ZNF596: variants seen among roughly 807,000 people sequenced by gnomAD.
The protein encoded by ZNF596 is zinc finger protein 596.
A neutral mutation model predicts 48.3 loss-of-function variants in ZNF596; 45 were observed. The observed-to-expected ratio is 0.93, with a 90% CI of 0.73 to 1.19. The LOEUF (loss-of-function observed/expected upper bound fraction) is 1.19. Ranked by LOEUF, ZNF596 falls within the 50% of genes most tolerant of loss-of-function variation. The probability of loss-of-function intolerance (pLI) is 0.00; values close to 1 mark genes in which losing one functional copy is unlikely to be tolerated. For synonymous variants in ZNF596, 270 were observed against 202.0 expected, an observed-to-expected ratio of 1.34 and a Z score of -2.85; for missense variants, 848 against 599.7, an observed-to-expected ratio of 1.41 and a Z score of -4.32.
Position 245,544 on chromosome 8 carries a change from A to G in ZNF596, c.697A>G (p.Thr233Ala). ...HGCHLCGKAF[T>A]HCSDLRKHER... ...ATGTCATCTATGTGGGAAAGCCTTT[A>G]CTCATTGCTCTGATCTTCGAAAACA... The change falls in exon 6 of 6, where the codon ACT (threonine) becomes GCT (alanine). Residue 233 changes from threonine to alanine, a missense_variant. Thr to Ala is a moderately conservative substitution (Grantham distance 58, BLOSUM62 0). Coordinates refer to ENST00000398612, the MANE Select transcript of ZNF596 (RefSeq NM_001042416.3). The G allele has an allele frequency of 6.2e-7, 1 of 1,614,104 alleles. No individual in the cohort carries two copies.
rs761022542 is a variant in ZNF596 at position 245,306 on chromosome 8, C to T, written c.459C>T (p.Ser153=). Residue 153 remains serine, a synonymous_variant, in exon 6 of 6, where the codon TCC becomes TCT. Transcript: ENST00000398612. ...KFGKIFSDWL[S]FNQHKEIHTK... The stretch of plus-strand genomic sequence containing the variant: ...GGAAAATCTTCAGTGACTGGTTATC[C>T]TTTAATCAACACAAGGAAATTCACA... 3 of 1,614,060 alleles carry T rather than the reference C, an allele frequency of 1.9e-6. No homozygotes were observed. Among genetic ancestry groups the T allele is most frequent in the South Asian group, 1.1e-5 (1 of 91,070 alleles).
chr8:240,361 G>C (rs1025556057), intron 1 of ZNF596: 1 of 160,220 alleles, frequency 6.2e-6, no homozygotes, highest in East Asian at 1.8e-4. Flanking sequence ...GAATCATTCA[G>C]TACAAGTGTA....
intron 4 of ZNF596, 24 bp downstream of exon 4, chr8:243,829 C>G: frequency 1.3e-6 from 2 of 1,598,362 alleles, no homozygotes; most frequent in Non-Finnish European, 1.7e-6. Flanking sequence ...AGCAGTGCTT[C>G]AATAGGAGGA....
At chr8:238,316 G>C (rs1382048523) in intron 1 of ZNF596, among the ~76,000 whole-genome samples, 2 of 151,966 alleles carry the variant, frequency 1.3e-5, no homozygotes, top group African/African-American at 4.8e-5. Flanking sequence ...GACTAGTGGA[G>C]GAAAGGAGAG....
intron 1 of ZNF596, among the ~76,000 whole-genome samples, chr8:236,607 T>C (rs1796625020): frequency 1.3e-5 from 2 of 152,214 alleles, no homozygotes; most frequent in African/African-American, 4.8e-5. Flanking sequence ...TTTTATATTA[T>C]TTTTAAAGAT....
chr8:238,233 G>T (rs769950878), intron 1 of ZNF596, among the ~76,000 whole-genome samples: 1 of 152,090 alleles, frequency 6.6e-6, no homozygotes, highest in Admixed American at 6.6e-5. Flanking sequence ...GAGGTTTATG[G>T]TGGCCCCCAT....
At chr8:244,012 C>G in intron 4 of ZNF596, 1 of 398,260 alleles carries the variant, frequency 2.5e-6, no homozygotes, top group Non-Finnish European at 4.7e-6. Context: ...CTCAGCCTCC[C>G]GAGTAGCTAG....
At chr8:240,790 T>C in intron 1 of ZNF596, 34 bp from the exon 2 acceptor site, 1 of 1,438,980 alleles carries the variant, frequency 6.9e-7, no homozygotes, top group Non-Finnish European at 9.8e-7. Flanking sequence ...TGGAGTGTCA[T>C]GGTTTTTTTG....
At position 246,378 on chromosome 8, in the gene ZNF596, G is replaced by C; in HGVS notation, c.*16G>C. On this transcript the variant is annotated 3_prime_UTR_variant, in exon 6 of 6. Transcript: ENST00000398612. ...GAATATGTAAGAATCATCAGCTGTA[G>C]CGTTAACACTAAATACACCAAGGAC... 1 of 1,556,194 alleles carries C rather than the reference G, an allele frequency of 6.4e-7. No individual in the cohort carries two copies. Among genetic ancestry groups the C allele is most frequent in the Non-Finnish European group, 8.6e-7 (1 of 1,157,680 alleles).
chr8:240,487 G>A (rs1796808538), intron 1 of ZNF596: 1 of 187,680 alleles, frequency 5.3e-6, no homozygotes, highest in South Asian at 1.2e-4. Flanking sequence ...AGAAATTCCA[G>A]GATTTATCTG....
At chr8:240,695 C>A in intron 1 of ZNF596, 129 bp from the exon 2 acceptor site, 1 of 609,154 alleles carries the variant, frequency 1.6e-6, no homozygotes, top group South Asian at 2.1e-5. Context: ...GGAGAGCCAC[C>A]AACCCAACCC....
chr8:242,127 T>C (rs922986070), intron 2 of ZNF596, among the ~76,000 whole-genome samples: 1 of 152,112 alleles, frequency 6.6e-6, no homozygotes, highest in African/African-American at 2.4e-5. Context: ...CCACATAAAA[T>C]TGAGAAAGGA....
chr8:246,819 T>C lies in ZNF596; in HGVS notation c.*457T>C, dbSNP rs1456233077. 6.5e-6 allele frequency: 1 copy of C among 154,904 alleles called. No homozygotes were observed. The highest frequency in any genetic ancestry group is 1.4e-5 in the Non-Finnish European group (1 of 70,002). 9.6% of individuals were successfully genotyped at this position (154,904 alleles called of 1,614,324 possible). A position where few individuals can be genotyped will look rare whatever the true frequency, so the allele number is the denominator to read the frequency against. ...AGAAAATTCATTATAAGGTAACTGA[T>C]AAAAACAGGAAATATGTGAAAATAT... On this transcript the variant is annotated 3_prime_UTR_variant, in exon 6 of 6. Transcript: ENST00000398612.
chr8:241,312 A>T (rs1584908755), intron 2 of ZNF596, among the ~76,000 whole-genome samples: 1 of 152,256 alleles, frequency 6.6e-6, no homozygotes, highest in South Asian at 2.1e-4. Context: ...AGCCCATACA[A>T]AGGCAAGCTC....
Position 246,327 on chromosome 8 carries a change from G to A in ZNF596, c.1480G>A (p.Glu494Lys), listed in dbSNP as rs201707116. The change falls in exon 6 of 6, where the codon GAG (glutamate) becomes AAG (lysine). Residue 494 changes from glutamate (E) to lysine (K), a missense_variant. Coordinates refer to ENST00000398612, the MANE Select transcript of ZNF596 (RefSeq NM_001042416.3). Reference sequence around the variant, plus strand: ...TAAATTTTTTAACCTTAGACAACATGAGAGAACTCACACTAAAAAAGCAAT... The same window carrying A: ...TAAATTTTTTAACCTTAGACAACATAAGAGAACTCACACTAAAAAAGCAAT... ...FSKFFNLRQHERTHTKKAMNM is the reference protein window; with the variant it reads ...FSKFFNLRQHKRTHTKKAMNM 2.4e-4 allele frequency: 385 copies of A among 1,596,388 alleles called. 2 individuals are homozygous for A. The highest frequency in any genetic ancestry group is 3.1e-5 in the Non-Finnish European group (36 of 1,174,390).
At chr8:235,348 G>C (rs1796577368) in intron 1 of ZNF596, among the ~76,000 whole-genome samples, 1 of 152,188 alleles carries the variant, frequency 6.6e-6, no homozygotes, top group Non-Finnish European at 1.5e-5. Flanking sequence ...TTTGATCGCA[G>C]AGTAAATAAA....
chr8:245,863 T>C lies in ZNF596; in HGVS notation c.1016T>C (p.Leu339Pro). ...HNGEKPYECH[L>P]CGKAFSHCSH... is the part of the protein sequence containing the mutation. ...GGAGAGAAACCATATGAATGTCATC[T>C]ATGTGGAAAAGCCTTCTCTCATTGT... is the stretch of plus-strand genomic sequence containing the variant. Residue 339 changes from leucine (L) to proline (P), a missense_variant, in exon 6 of 6, where the codon CTA becomes CCA. By Grantham distance (98) the Leu-to-Pro change is moderately conservative. Transcript: ENST00000398612. 6.2e-7 allele frequency: 1 copy of C among 1,614,052 alleles called. No homozygotes were observed. The highest frequency in any genetic ancestry group is 8.5e-7 in the Non-Finnish European group (1 of 1,179,960).
At chr8:240,972 A>G (rs1796830726) in intron 2 of ZNF596, 65 bp downstream of exon 2, 4 of 1,590,230 alleles carry the variant, frequency 2.5e-6, no homozygotes, top group Admixed American at 3.3e-5. Context: ...GGGCAGATTC[A>G]TCCTATTAAC....
In ZNF596 at chr8:240,687, A is replaced by AGAGCCACCAACCC; in HGVS notation, c.-72-136_-72-124dup. 5.0e-6 allele frequency: 3 copies of AGAGCCACCAACCC among 597,432 alleles called. No individual in the cohort carries two copies. The East Asian group carries it at 8.3e-5, about 17-fold the overall frequency. 37.0% of individuals were successfully genotyped at this position (597,432 alleles called of 1,614,324 possible). A position where few individuals can be genotyped will look rare whatever the true frequency, so the allele number is the denominator to read the frequency against. On this transcript the variant is annotated intron_variant, in intron 1 of 5. Transcript: ENST00000398612. Reference sequence around the variant, plus strand: ...TCATTTCTTCTGACCCTGGGAGAGGAGAGCCACCAACCCAACCCACCCCCT... The same window carrying AGAGCCACCAACCC: ...TCATTTCTTCTGACCCTGGGAGAGGAGAGCCACCAACCCGAGCCACCAACCCAACCCACCCCCT...
Sources: allele counts gnomAD v4.1 joint callset (sites outside exome capture counted in the v4.1 genomes callset), GRCh38; gene constraint gnomAD v4.1.1; transcripts MANE v1.5; gene names NCBI Gene and HGNC (gene_info 2026-07-23, HGNC 2026-07-21).